DIP2B: variants seen among roughly 807,000 people sequenced by gnomAD.
The protein encoded by DIP2B is DIP2 acetate--CoA ligase B (putative).
In DIP2B, 76 loss-of-function variants were observed where a neutral mutation model predicts 198.0. The ratio of observed to expected loss-of-function variants is 0.38; its 90% CI spans 0.32 to 0.46. The LOEUF (loss-of-function observed/expected upper bound fraction) is 0.46. DIP2B is among the 20% of genes least tolerant of loss of function. The pLI, the probability that DIP2B is intolerant of heterozygous loss-of-function variation, is 0.99. For missense variants in DIP2B, 1,559 were observed against 1,978.4 expected, an observed-to-expected ratio of 0.79 and a Z score of 4.02; for synonymous variants, 701 against 739.1, an observed-to-expected ratio of 0.95 and a Z score of 0.84.
intron 4 of DIP2B, among the ~76,000 whole-genome samples, chr12:50,668,497 G>T (rs1045288852): frequency 1.3e-5 from 2 of 152,134 alleles, no homozygotes; most frequent in Admixed American, 6.5e-5. Flanking sequence ...GACAAACAGG[G>T]TAACTGAATT....
intron 3 of DIP2B, among the ~76,000 whole-genome samples, chr12:50,655,645 T>G (rs111320988): frequency 1.7e-3 from 261 of 152,370 alleles, no homozygotes; most frequent in Non-Finnish European, 3.0e-3. Flanking sequence ...AAATAAATAC[T>G]GAACACTAGT....
At chr12:50,525,389 G>A (rs1212567992) in intron 1 of DIP2B, among the ~76,000 whole-genome samples, 1 of 151,770 alleles carries the variant, frequency 6.6e-6, no homozygotes, top group South Asian at 2.1e-4. Context: ...AGAGAATACC[G>A]GTAGAGGGTT....
intron 1 of DIP2B, among the ~76,000 whole-genome samples, chr12:50,613,152 C>T (rs1020230439): frequency 1.3e-5 from 2 of 152,206 alleles, no homozygotes; most frequent in African/African-American, 4.8e-5. Flanking sequence ...TGGAGCCAGA[C>T]CATCTGCTTT....
chr12:50,688,448 T>C (rs1356610006), intron 12 of DIP2B, among the ~76,000 whole-genome samples: 1 of 151,952 alleles, frequency 6.6e-6, no homozygotes, highest in East Asian at 1.9e-4. Context: ...ACTCAGGAAT[T>C]CAAGACTAAC....
At chr12:50,600,894 TCACCACCACCACCACCACCACCAC>T (rs34616785) in intron 1 of DIP2B, among the ~76,000 whole-genome samples, 7 of 121,580 alleles carry the variant, frequency 5.8e-5, no homozygotes, top group East Asian at 2.6e-4. Context: ...ATGACCACCA[TCACCACCACCACCACCACCACCAC>T]CACCACCACC....
rs1479711847 is a variant in DIP2B at position 50,731,422 on chromosome 12, A to G, written c.3695A>G (p.Asn1232Ser). The change falls in exon 31 of 38, where the codon AAC (asparagine) becomes AGC (serine). Residue 1232 changes from asparagine (N) to serine (S), a missense_variant. By Grantham distance (46) the Asn-to-Ser change is conservative. Coordinates refer to ENST00000301180, the MANE Select transcript of DIP2B (RefSeq NM_173602.3). ...ATTCCTCCTATGGAGTTAGAGAACA[A>G]CCTTTTCCTCTGGCTCTCCACAGTC... The part of the protein sequence containing the change: ...VLIPPMELEN[N>S]LFLWLSTVNQ... The G allele has an allele frequency of 6.8e-6, 11 of 1,614,136 alleles. No homozygotes were observed. The highest frequency in any genetic ancestry group is 8.5e-6 in the Non-Finnish European group (10 of 1,180,014).
Position 50,703,550 on chromosome 12 carries a change from A to C in DIP2B, c.2326-590A>C, listed in dbSNP as rs1488956005. On this transcript the variant is annotated intron_variant, in intron 19 of 37. Transcript: ENST00000301180. ...GACTGGTTACATTCTAATAGCTACA[A>C]TTTCCTGAATACTGATTCTGGGTCA... is the stretch of plus-strand genomic sequence containing the variant. Among the ~76,000 whole-genome samples the C allele has an allele frequency of 3.3e-5, 5 of 152,326 alleles. No individual in the cohort carries two copies. In the East Asian group the frequency reaches 7.7e-4, roughly 23 times the overall value.
chr12:50,524,428 T>C (rs912261045), intron 1 of DIP2B, among the ~76,000 whole-genome samples: 4 of 152,202 alleles, frequency 2.6e-5, no homozygotes, highest in African/African-American at 9.6e-5. Context: ...TACACCGCCC[T>C]GACCCCTCAT....
intron 1 of DIP2B, among the ~76,000 whole-genome samples, chr12:50,601,902 CCT>C (rs1432090744): frequency 2.0e-5 from 3 of 152,220 alleles, no homozygotes; most frequent in Admixed American, 1.3e-4. Context: ...CATCTTCACC[CCT>C]GTGTTCTGTG....
At chr12:50,519,679 A>G (rs1958098030) in intron 1 of DIP2B, among the ~76,000 whole-genome samples, 1 of 152,156 alleles carries the variant, frequency 6.6e-6, no homozygotes, top group South Asian at 2.1e-4. Context: ...TTGTACTTAC[A>G]TGGTGATGCA....
rs7966248 is a variant in DIP2B, at chr12:50,552,423, C to T, written c.100+47183C>T. 4.8e-3 allele frequency among the ~76,000 whole-genome samples: 728 copies of T among 151,618 alleles called. 8 individuals carry two copies. Among genetic ancestry groups the T allele is most frequent in the African/African-American group, 0.016 (681 of 41,310 alleles). Reference sequence around the variant, plus strand: ...CTGGGACTATAGGCGCCCGCCACCACGCCCGGCTAATTTTTTGTATTTTTA... The same window carrying T: ...CTGGGACTATAGGCGCCCGCCACCATGCCCGGCTAATTTTTTGTATTTTTA... On this transcript the variant is annotated intron_variant, in intron 1 of 37. Transcript: ENST00000301180.
chr12:50,720,875 C>A (rs1939823243), intron 25 of DIP2B, among the ~76,000 whole-genome samples: 1 of 152,154 alleles, frequency 6.6e-6, no homozygotes, highest in Non-Finnish European at 1.5e-5. Flanking sequence ...GACAGAATCT[C>A]GCTCTGTCGC....
intron 10 of DIP2B, among the ~76,000 whole-genome samples, chr12:50,684,805 A>T (rs1258026370): frequency 6.6e-6 from 1 of 150,976 alleles, no homozygotes; most frequent in East Asian, 1.9e-4. Flanking sequence ...TAAAAGAAGA[A>T]ATCAGCCGGG....
intron 4 of DIP2B, among the ~76,000 whole-genome samples, chr12:50,665,404 T>C (rs35595151): frequency 0.025 from 3,787 of 152,242 alleles, 68 homozygotes; most frequent in Non-Finnish European, 0.038. Context: ...AAACTCAAAA[T>C]CTTGATTGTG....
intron 1 of DIP2B, among the ~76,000 whole-genome samples, chr12:50,559,402 A>G (rs1237041287): frequency 2.0e-5 from 3 of 150,812 alleles, no homozygotes; most frequent in African/African-American, 7.3e-5. Context: ...GTATTATACC[A>G]ATTTTATCTC....
chr12:50,599,176 C>T (rs901123721), intron 1 of DIP2B, among the ~76,000 whole-genome samples: 2 of 149,882 alleles, frequency 1.3e-5, no homozygotes, highest in African/African-American at 4.9e-5. Context: ...CCTGTAGTCC[C>T]AGCTACTCAG....
intron 13 of DIP2B, 125 bp from the exon 14 acceptor site, chr12:50,692,824 T>C: frequency 6.4e-6 from 5 of 775,872 alleles, no homozygotes; most frequent in Non-Finnish European, 8.4e-6. Flanking sequence ...GTGACAGAGG[T>C]GAGACTCCAT....
At chr12:50,546,321 G>C (rs1958377428) in intron 1 of DIP2B, among the ~76,000 whole-genome samples, 1 of 152,184 alleles carries the variant, frequency 6.6e-6, no homozygotes, top group Non-Finnish European at 1.5e-5. Flanking sequence ...GTTCCGTGTT[G>C]TGAAAAATTC....
At chr12:50,538,175 G>C (rs1042740488) in intron 1 of DIP2B, among the ~76,000 whole-genome samples, 1 of 152,152 alleles carries the variant, frequency 6.6e-6, no homozygotes, top group African/African-American at 2.4e-5. Context: ...GAGGTGAGCT[G>C]CTTGAGAACA....
Sources: allele counts gnomAD v4.1 joint callset (sites outside exome capture counted in the v4.1 genomes callset), GRCh38; gene constraint gnomAD v4.1.1; transcripts MANE v1.5; gene names NCBI Gene and HGNC (gene_info 2026-07-23, HGNC 2026-07-21).